Variants in GAS6 observed in about 807,000 individuals in gnomAD.
The protein encoded by GAS6 is growth arrest specific 6.
In GAS6, 41 loss-of-function variants were observed where a neutral mutation model predicts 75.8. The ratio of observed to expected loss-of-function variants is 0.54; its 90% CI spans 0.42 to 0.70. GAS6 has a LOEUF of 0.70. Among genes scored for constraint, GAS6 ranks in the 30% least tolerant of loss-of-function variants. The pLI, the probability that GAS6 is intolerant of heterozygous loss-of-function variation, is 0.00. For missense variants in GAS6, 854 were observed against 940.2 expected (o/e 0.91, Z 1.20); for synonymous variants, 432 against 412.6 (o/e 1.05, Z -0.57).
chr13:113,824,099 G>A (rs1262270103), intron 12 of GAS6, among the ~76,000 whole-genome samples: 1 of 128,716 alleles, frequency 7.8e-6, no homozygotes, highest in Non-Finnish European at 1.6e-5. Flanking sequence ...AGGAGCACCC[G>A]CGGTCTGAGT....
chr13:113,864,021 G>GGTCA lies in GAS6; in HGVS notation c.-105_-102dup. On this transcript the variant is annotated 5_prime_UTR_variant, in exon 1 of 15. Transcript: ENST00000327773. The stretch of plus-strand genomic sequence containing the variant: ...GTCATCCCGTCCTGGCGGCCCTGAA[G>GGTCA]GTCACATCGCGGCGGCGGCGGCGGC... The GGTCA allele has an allele frequency of 9.8e-7, 1 of 1,017,148 alleles. No individual in the cohort carries two copies. Among genetic ancestry groups the GGTCA allele is most frequent in the Non-Finnish European group, 1.2e-6 (1 of 853,628 alleles). 63.0% of individuals were successfully genotyped at this position (1,017,148 alleles called of 1,614,324 possible).
intron 8 of GAS6, chr13:113,833,046 A>G: frequency 7.7e-7 from 1 of 1,300,546 alleles, no homozygotes. Flanking sequence ...TATTTCAAGC[A>G]TACAAAAATT....
rs368960262 is a variant in GAS6, at chr13:113,828,602, T to G, written c.1253A>C (p.His418Pro). 1.2e-6 allele frequency: 2 copies of G among 1,613,480 alleles called. No individual in the cohort carries two copies. Among genetic ancestry groups the G allele is most frequent in the African/African-American group, 2.7e-5 (2 of 74,930 alleles). Residue 418 changes from histidine (H) to proline (P), a missense_variant, in exon 11 of 15, where the codon CAT (histidine) becomes CCT (proline). Transcript: ENST00000327773. The stretch of plus-strand genomic sequence containing the variant: ...AATACCTCCCACGGTCAGGTTCAGA[T>G]GATACAGTCCTCGCTCCGGTTGGAA... ...DLFQPERGLY[H>P]LNLTVGGIPF... is the part of the protein sequence containing the mutation.
At chr13:113,861,162 G>A (rs1207069949) in intron 2 of GAS6, among the ~76,000 whole-genome samples, 1 of 152,226 alleles carries the variant, frequency 6.6e-6, no homozygotes, top group Non-Finnish European at 1.5e-5. Context: ...TTTAGCAGGT[G>A]GACATGAAGG....
chr13:113,833,514 AAAGAC>A (rs2051655483), intron 8 of GAS6: 1 of 993,494 alleles, frequency 1.0e-6, no homozygotes, highest in Non-Finnish European at 1.2e-6. Flanking sequence ...GCTGAAGAGG[AAAGAC>A]AAGAGCCGCC....
Position 113,832,357 on chromosome 13 carries a change from T to G in GAS6, c.1085A>C (p.Asn362Thr). 6.2e-7 allele frequency: 1 copy of G among 1,608,032 alleles called. No homozygotes were observed. Among genetic ancestry groups the G allele is most frequent in the Non-Finnish European group, 8.5e-7 (1 of 1,179,898 alleles). ...GCTGCTGGTGACACGGCCGACACCG[T>G]TGTAGCGCAGCTGCAGCTCCAGCCG... is the stretch of plus-strand genomic sequence containing the variant. ...AGRLELQLRYNGVGRVTSSGP... is the reference protein window; with the variant it reads ...AGRLELQLRYTGVGRVTSSGP... The change falls in exon 10 of 15, where the codon AAC (asparagine) becomes ACC (threonine). Residue 362 changes from asparagine (N) to threonine (T), a missense_variant. Coordinates refer to ENST00000327773, the MANE Select transcript of GAS6 (RefSeq NM_000820.4).
chr13:113,857,217 C>T (rs552008774), intron 2 of GAS6, among the ~76,000 whole-genome samples: 24 of 152,306 alleles, frequency 1.6e-4, no homozygotes, highest in African/African-American at 5.5e-4. Context: ...TAACAAGGCC[C>T]AATGCACTTT....
At position 113,823,491 on chromosome 13, in the gene GAS6, T is replaced by C. The variant is rs2051488818; in HGVS notation, c.1537A>G (p.Ile513Val). Residue 513 changes from isoleucine (I) to valine (V), a missense_variant, in exon 13 of 15, where the codon ATC (isoleucine) becomes GTC (valine). Transcript: ENST00000327773. ...ACGCCTGTGTCTGCGGCTGGGCGGA[T>C]GTGAGCCACGACTTCTACTTCCCAG... ...STWEVEVVAH[I>V]RPAADTGVLF... is the part of the protein sequence containing the mutation. 6.2e-7 allele frequency: 1 copy of C among 1,612,614 alleles called. No homozygotes were observed. Among genetic ancestry groups the C allele is most frequent in the South Asian group, 1.1e-5 (1 of 91,068 alleles).
intron 2 of GAS6, among the ~76,000 whole-genome samples, chr13:113,859,221 T>C (rs2051948005): frequency 6.6e-6 from 1 of 151,918 alleles, no homozygotes; most frequent in South Asian, 2.1e-4. Context: ...TGTGTACGTA[T>C]GTGTACATGT....
At chr13:113,855,775 T>C (rs1273876382) in intron 2 of GAS6, among the ~76,000 whole-genome samples, 1 of 151,260 alleles carries the variant, frequency 6.6e-6, no homozygotes, top group Admixed American at 6.6e-5. Flanking sequence ...TCGCCAAGAG[T>C]GCACGCAAGC....
At chr13:113,826,232 T>C (rs2051536616) in intron 12 of GAS6, among the ~76,000 whole-genome samples, 1 of 152,210 alleles carries the variant, frequency 6.6e-6, no homozygotes, top group African/African-American at 2.4e-5. Flanking sequence ...CGGCTGTTTT[T>C]ACACACCTCC....
At chr13:113,847,971 G>A (rs1206803069) in intron 3 of GAS6, 55 bp downstream of exon 3, 19 of 1,509,604 alleles carry the variant, frequency 1.3e-5, no homozygotes, top group Non-Finnish European at 1.5e-5. Flanking sequence ...CATGAAACAC[G>A]CACCCCCAAC....
chr13:113,863,904 G>T lies in GAS6; in HGVS notation c.17C>A (p.Ser6Ter). The stretch of plus-strand genomic sequence containing the variant: ...GCGGCGCAGGGCGGCGGGCCCGGGC[G>T]AGAGCGAAGGGGCCATGGCGGGCCG... The part of the protein sequence containing the change: MAPSL[S>*]PGPAALRRAP... The change falls in exon 1 of 15, where the codon TCG becomes TAG. Residue 6 changes from serine to a stop codon, truncating the protein, a stop_gained. Coordinates refer to ENST00000327773, the MANE Select transcript of GAS6 (RefSeq NM_000820.4). LOFTEE classifies it high-confidence loss of function. The surrounding 1 kb of genome is among the most constrained non-coding windows in gnomAD (Gnocchi z 9.4). 8.5e-7 allele frequency: 1 copy of T among 1,179,730 alleles called. No homozygotes were observed. The highest frequency in any genetic ancestry group is 1.0e-6 in the Non-Finnish European group (1 of 956,566). The allele number at this position is 1,179,730 out of a possible 1,614,324, so 73.1% of individuals were successfully genotyped here.
intron 2 of GAS6, among the ~76,000 whole-genome samples, chr13:113,858,775 ATG>A (rs552326965): frequency 1.7e-3 from 242 of 145,832 alleles, no homozygotes; most frequent in African/African-American, 5.9e-3. Flanking sequence ...GTCATTATGC[ATG>A]TGTGTACATG....
intron 10 of GAS6, among the ~76,000 whole-genome samples, chr13:113,828,938 A>G (rs9604463): frequency 0.061 from 3,098 of 51,076 alleles, 555 homozygotes; most frequent in African/African-American, 0.24. Flanking sequence ...TCCTCCCCTG[A>G]GCCAAGAGGG....
intron 4 of GAS6, chr13:113,843,347 C>T (rs2051806242): frequency 6.5e-6 from 1 of 152,706 alleles, no homozygotes; most frequent in Non-Finnish European, 1.4e-5. Context: ...TGGCTGGAAT[C>T]TGAAGCCGGT....
chr13:113,828,259 G>A (rs1006513502), intron 11 of GAS6, among the ~76,000 whole-genome samples: 8 of 148,970 alleles, frequency 5.4e-5, no homozygotes, highest in African/African-American at 7.8e-5. Context: ...GCAAGACTCC[G>A]TCTCAAAAAA....
chr13:113,863,730 G>A lies in GAS6; in HGVS notation c.100C>T (p.Pro34Ser), dbSNP rs1486041473. The A allele has an allele frequency of 2.0e-6, 3 of 1,495,952 alleles. No homozygotes were observed. The highest frequency in any genetic ancestry group is 2.9e-5 in the East Asian group (1 of 34,614). The allele number at this position is 1,495,952 out of a possible 1,614,324, so 92.7% of individuals were successfully genotyped here. A position where few individuals can be genotyped will look rare whatever the true frequency, so the allele number is the denominator to read the frequency against. Reference protein sequence around the residue: ...AAECALAALLPAREATQFLRP... With the variant: ...AAECALAALLSAREATQFLRP... ...AGGAACTGCGTGGCCTCGCGCGCCGGCAACAGCGCGGCTGCCCGGAGGGAG... is the reference window on the plus strand; with the variant it reads ...AGGAACTGCGTGGCCTCGCGCGCCGACAACAGCGCGGCTGCCCGGAGGGAG... Residue 34 changes from proline (P) to serine (S), a missense_variant, in exon 2 of 15, where the codon CCG (proline) becomes TCG (serine). Coordinates refer to ENST00000327773, the MANE Select transcript of GAS6 (RefSeq NM_000820.4). This position sits in a 1 kb window ranked among gnomAD's most constrained non-coding sequence, Gnocchi z 9.4.
At chr13:113,824,144 G>C (rs1471134762) in intron 12 of GAS6, among the ~76,000 whole-genome samples, 1 of 127,592 alleles carries the variant, frequency 7.8e-6, no homozygotes, top group African/African-American at 3.5e-5. Flanking sequence ...TCTGGGGTCT[G>C]AGCTGTCGGG....
Sources: gnomAD v4.1 joint callset for allele counts (sites outside exome capture counted in the v4.1 genomes callset) on GRCh38, gnomAD v4.1.1 for gene constraint, Gnocchi (gnomAD v3.1) non-coding constraint, MANE v1.5 for transcripts, NCBI Gene and HGNC (gene_info 2026-07-23, HGNC 2026-07-21) for gene names.